PDZD9: variants seen among roughly 807,000 people sequenced by gnomAD.
PDZD9 encodes the protein PDZ domain containing 9.
Under a neutral mutation model 16.3 loss-of-function variants are expected in PDZD9, and 13 were observed. The ratio of observed to expected loss-of-function variants is 0.80; its 90% CI spans 0.52 to 1.27. The LOEUF (loss-of-function observed/expected upper bound fraction) is 1.27. Ranked by LOEUF, PDZD9 falls within the 50% of genes most tolerant of loss-of-function variation. The probability of loss-of-function intolerance (pLI) is 0.00; values close to 1 mark genes in which losing one functional copy is unlikely to be tolerated. For synonymous variants in PDZD9, 120 were observed against 111.0 expected, an observed-to-expected ratio of 1.08 and a Z score of -0.51; for missense variants, 288 against 310.9, an observed-to-expected ratio of 0.93 and a Z score of 0.55.
At chr16:21,988,906 T>G in intron 2 of PDZD9, 115 bp from the exon 3 acceptor site, 1 of 894,324 alleles carries the variant, frequency 1.1e-6, no homozygotes, top group East Asian at 3.1e-5. Context: ...TGATTCTTTT[T>G]GAACCAAAAC....
At chr16:21,984,811 T>C in intron 3 of PDZD9, 151 bp from the exon 4 acceptor site, 1 of 571,194 alleles carries the variant, frequency 1.8e-6, no homozygotes, top group Non-Finnish European at 2.7e-6. Flanking sequence ...GTTTCTCTTT[T>C]TTAAATCGTC....
At chr16:21,974,061 A>G in the PDZD9 span, 1 of 1,235,740 alleles carries the variant, frequency 8.1e-7, no homozygotes, top group Non-Finnish European at 1.2e-6. Context: ...AAAATATGGA[A>G]TGTTTGAATG....
In PDZD9 at chr16:21,984,442, A is replaced by G; in HGVS notation, c.620T>C (p.Met207Thr). The G allele has an allele frequency of 1.2e-6, 2 of 1,614,070 alleles. No individual in the cohort carries two copies. Among genetic ancestry groups the G allele is most frequent in the Non-Finnish European group, 1.7e-6 (2 of 1,179,938 alleles). ...SVGKDINCDVMIHRDDKKEVR... is the reference protein window; with the variant it reads ...SVGKDINCDVTIHRDDKKEVR... ...TTCTTTCTTGTCGTCTCTGTGAATCATCACGTCACAATTAATGTCTTTTCC... is the reference window on the plus strand; with the variant it reads ...TTCTTTCTTGTCGTCTCTGTGAATCGTCACGTCACAATTAATGTCTTTTCC... The change falls in exon 4 of 4, where the codon ATG becomes ACG. Residue 207 changes from methionine (M) to threonine (T), a missense_variant. Physicochemically the swap from Met to Thr is moderately conservative, Grantham distance 81 (BLOSUM62 -1). Coordinates refer to ENST00000424898, the MANE Select transcript of PDZD9 (RefSeq NM_001363519.1).
downstream of PDZD9, chr16:21,983,759 A>G (rs558582268): frequency 1.3e-5 from 2 of 153,716 alleles, no homozygotes; most frequent in South Asian, 4.1e-4. Flanking sequence ...ATCTGTTACT[A>G]TCCTGTCTCT....
At chr16:21,970,157 C>T in the PDZD9 span, among the ~76,000 whole-genome samples, 1 of 152,122 alleles carries the variant, frequency 6.6e-6, no homozygotes, top group East Asian at 1.9e-4. Context: ...ATGTCTTATT[C>T]CCTTTTATGG....
intron 1 of PDZD9, among the ~76,000 whole-genome samples, 173 bp downstream of exon 1, chr16:22,000,843 GA>G (rs1899279309): frequency 6.6e-6 from 1 of 151,340 alleles, no homozygotes; most frequent in Non-Finnish European, 1.5e-5. Flanking sequence ...TGATGATGAT[GA>G]TGATGATGAT....
In PDZD9 at chr16:21,983,928, A is replaced by G. The variant is rs1206994311; in HGVS notation, c.*339T>C. On this transcript the variant is annotated 3_prime_UTR_variant, in exon 4 of 4. Transcript: ENST00000424898. ...TTACCAAAAAAAAGAGAGAAACTAA[A>G]TATTTAAAGAAAAATGTAGTGTTTA... 1 of 170,854 alleles carries G rather than the reference A, an allele frequency of 5.9e-6. No homozygotes were observed. The highest frequency in any genetic ancestry group is 6.3e-5 in the Admixed American group (1 of 15,980). 10.6% of individuals were successfully genotyped at this position (170,854 alleles called of 1,614,324 possible). A position where few individuals can be genotyped will look rare whatever the true frequency, so the allele number is the denominator to read the frequency against.
the PDZD9 span, chr16:21,962,701 A>G: frequency 6.2e-7 from 1 of 1,610,754 alleles, no homozygotes; most frequent in South Asian, 1.1e-5. Context: ...AGCTATGTAG[A>G]ATCTCAAATG....
chr16:21,978,823 C>T, the PDZD9 span, among the ~76,000 whole-genome samples: 1 of 152,100 alleles, frequency 6.6e-6, no homozygotes, highest in Non-Finnish European at 1.5e-5. Context: ...TTAAAATTGC[C>T]CTGTTTCACT....
chr16:21,957,611 C>T, the PDZD9 span: 6 of 1,588,604 alleles, frequency 3.8e-6, no homozygotes, highest in South Asian at 5.8e-5. Flanking sequence ...GCTGTGGTAT[C>T]TTGGTCCTGT....
rs1249502230 is a variant in PDZD9 at position 22,001,020 on chromosome 16, T to C, written c.28A>G (p.Lys10Glu). 6.5e-7 allele frequency: 1 copy of C among 1,532,978 alleles called. No homozygotes were observed. The highest frequency in any genetic ancestry group is 1.2e-5 in the South Asian group (1 of 83,306). The allele number at this position is 1,532,978 out of a possible 1,614,324, so 95.0% of individuals were successfully genotyped here. MQKASHKNK[K>E]ERGVSNKVKT... The stretch of plus-strand genomic sequence containing the variant: ...CCGCTTCCTTCTCCCCAGTTACCTT[T>C]TTTGTTTTTGTGGGAGGCCTTCTGC... Residue 10 changes from lysine (K) to glutamate (E), a missense_variant, in exon 1 of 4, where the codon AAA (lysine) becomes GAA (glutamate). Coordinates refer to ENST00000424898, the MANE Select transcript of PDZD9 (RefSeq NM_001363519.1).
the PDZD9 span, chr16:21,976,713 G>A: frequency 6.6e-6 from 1 of 152,598 alleles, no homozygotes; most frequent in African/African-American, 2.4e-5. Context: ...ACAAACATAA[G>A]TCAAACCATC....
the PDZD9 span, chr16:21,976,047 T>C: frequency 7.1e-5 from 46 of 644,456 alleles, no homozygotes; most frequent in African/African-American, 7.6e-4. Context: ...GCATGGACAC[T>C]GTGCTGTTTG....
At chr16:21,969,758 A>G in the PDZD9 span, among the ~76,000 whole-genome samples, 1 of 152,148 alleles carries the variant, frequency 6.6e-6, no homozygotes, top group Non-Finnish European at 1.5e-5. Context: ...AACTATTACC[A>G]CTACCTAATT....
the PDZD9 span, chr16:21,957,583 C>A: frequency 3.7e-6 from 6 of 1,610,972 alleles, no homozygotes; most frequent in Non-Finnish European, 3.4e-6. Flanking sequence ...ATCTTCACTT[C>A]CTCAAGTGTT....
At chr16:21,995,405 C>T in intron 2 of PDZD9, 3 of 341,206 alleles carry the variant, frequency 8.8e-6, no homozygotes, top group South Asian at 6.6e-5. Context: ...ATATAGACAG[C>T]ATCTCACTGT....
At chr16:21,958,894 T>C in the PDZD9 span, among the ~76,000 whole-genome samples, 73 of 152,336 alleles carry the variant, frequency 4.8e-4, 1 homozygote, top group East Asian at 0.013. Context: ...CATAGGAATT[T>C]TGTGGTTTCC....
intron 2 of PDZD9, among the ~76,000 whole-genome samples, chr16:21,993,347 C>T (rs1313642760): frequency 6.6e-6 from 1 of 152,152 alleles, no homozygotes; most frequent in Non-Finnish European, 1.5e-5. Flanking sequence ...TGTCACCTGA[C>T]CTTGAAGAAG....
chr16:21,991,890 C>A (rs1463512397), intron 2 of PDZD9, among the ~76,000 whole-genome samples: 3 of 152,156 alleles, frequency 2.0e-5, no homozygotes, highest in African/African-American at 7.2e-5. Flanking sequence ...GTATTCAAAT[C>A]TCATTTCTAG....
Sources: gnomAD v4.1 joint callset for allele counts (sites outside exome capture counted in the v4.1 genomes callset) on GRCh38, gnomAD v4.1.1 for gene constraint, MANE v1.5 for transcripts, NCBI Gene and HGNC (gene_info 2026-07-23, HGNC 2026-07-21) for gene names.